Variants in EBAG9 observed in about 807,000 individuals in gnomAD.
The protein encoded by EBAG9 is estrogen receptor binding site associated antigen 9.
In EBAG9, 16 loss-of-function variants were observed where a neutral mutation model predicts 30.9. That is an observed-to-expected ratio of 0.52 (90% confidence interval 0.35 to 0.79). The LOEUF (loss-of-function observed/expected upper bound fraction) is 0.79, where lower values mean the gene tolerates loss of function less well. Among genes scored for constraint, EBAG9 ranks in the 30% least tolerant of loss-of-function variants. The pLI is 0.01. For missense variants in EBAG9, 197 were observed against 242.1 expected, an observed-to-expected ratio of 0.81 and a Z score of 1.24; for synonymous variants, 93 against 82.8, an observed-to-expected ratio of 1.12 and a Z score of -0.67.
intron 6 of EBAG9, among the ~76,000 whole-genome samples, chr8:109,562,802 C>T (rs1821736533): frequency 6.6e-6 from 1 of 151,708 alleles, no homozygotes; most frequent in Non-Finnish European, 1.5e-5. Flanking sequence ...GTTCATCATC[C>T]CAAATATGAA....
At chr8:109,562,443 A>G (rs2131135047) in intron 6 of EBAG9, among the ~76,000 whole-genome samples, 1 of 152,150 alleles carries the variant, frequency 6.6e-6, no homozygotes, top group East Asian at 1.9e-4. Flanking sequence ...AGCCAAAGAG[A>G]AATGGAGGTG....
intron 1 of EBAG9, among the ~76,000 whole-genome samples, chr8:109,545,437 C>T (rs1382128668): frequency 5.5e-5 from 2 of 36,616 alleles, no homozygotes; most frequent in East Asian, 1.6e-3. Flanking sequence ...GATCTCAGCT[C>T]ACCGCAACCT....
chr8:109,552,289 G>A (rs1821510266), intron 2 of EBAG9, among the ~76,000 whole-genome samples: 1 of 150,346 alleles, frequency 6.7e-6, no homozygotes, highest in Non-Finnish European at 1.5e-5. Context: ...CCAGGGTATT[G>A]CAAGAGAACA....
chr8:109,563,085 G>A (rs1410778774), intron 6 of EBAG9, among the ~76,000 whole-genome samples: 1 of 152,044 alleles, frequency 6.6e-6, no homozygotes, highest in Non-Finnish European at 1.5e-5. Flanking sequence ...CATCAGCAGA[G>A]TGATGAAAAA....
chr8:109,553,635 T>A (rs1219497072), intron 2 of EBAG9, among the ~76,000 whole-genome samples: 1 of 152,206 alleles, frequency 6.6e-6, no homozygotes, highest in East Asian at 1.9e-4. Flanking sequence ...TTCTGAGTCC[T>A]AAGCCAAAAA....
rs1295966932 is a variant in EBAG9, at chr8:109,540,825, T to C, written c.-16+364T>C. On this transcript the variant is annotated intron_variant, in intron 1 of 6. Transcript: ENST00000337573. ...ATATTCTGGACTGTACTAGATCATA[T>C]GGTTTTCAAATTTTGGTATGAAAAG... The C allele has an allele frequency of 3.3e-5, 5 of 152,270 alleles. No individual in the cohort carries two copies. The East Asian group carries it at 7.7e-4, about 23-fold the overall frequency. 9.4% of individuals were successfully genotyped at this position (152,270 alleles called of 1,614,324 possible).
At chr8:109,549,281 A>C (rs1414681542) in intron 1 of EBAG9, among the ~76,000 whole-genome samples, 2 of 151,950 alleles carry the variant, frequency 1.3e-5, no homozygotes, top group Non-Finnish European at 2.9e-5. Flanking sequence ...CCATTTATAT[A>C]TTGTTGGATT....
At chr8:109,546,605 T>C (rs1014768578) in intron 1 of EBAG9, among the ~76,000 whole-genome samples, 1 of 152,238 alleles carries the variant, frequency 6.6e-6, no homozygotes. Context: ...ATTAGTAAAC[T>C]TTCTTAAAAC....
intron 1 of EBAG9, among the ~76,000 whole-genome samples, chr8:109,547,764 G>C (rs558119940): frequency 6.6e-6 from 1 of 152,290 alleles, no homozygotes; most frequent in African/African-American, 2.4e-5. Context: ...ACAGGTGTGA[G>C]CCACCACGCC....
rs760321666 is a variant in EBAG9, at chr8:109,554,884, G to A, written c.318G>A (p.Gln106=). 77 of 1,612,182 alleles carry A rather than the reference G, an allele frequency of 4.8e-5. No homozygotes were observed. Among genetic ancestry groups the A allele is most frequent in the Non-Finnish European group, 5.3e-5 (62 of 1,179,024 alleles). The change falls in exon 4 of 7, where the codon CAG becomes CAA. Residue 106 remains glutamine (Q), a synonymous_variant. Transcript: ENST00000337573. ...KDMTPTIRKT[Q]KIVIKKREPL... ...TGACACCAACTATTAGGAAAACTCA[G>A]AAAGTATGTTAAGATTTATGCTTTT... is the stretch of plus-strand genomic sequence containing the variant.
At chr8:109,561,537 G>T (rs1301764822) in intron 6 of EBAG9, among the ~76,000 whole-genome samples, 1 of 152,004 alleles carries the variant, frequency 6.6e-6, no homozygotes, top group Non-Finnish European at 1.5e-5. Context: ...GCTACATTAG[G>T]TCAAAGAGTA....
intron 1 of EBAG9, among the ~76,000 whole-genome samples, chr8:109,542,836 C>G (rs151149528): frequency 0.018 from 2,700 of 151,832 alleles, 42 homozygotes; most frequent in Non-Finnish European, 0.028. Flanking sequence ...ATAGAAATAA[C>G]CATAATACAA....
At chr8:109,543,405 A>G (rs1025920566) in intron 1 of EBAG9, among the ~76,000 whole-genome samples, 2 of 152,100 alleles carry the variant, frequency 1.3e-5, no homozygotes, top group African/African-American at 4.8e-5. Flanking sequence ...ATTGGCAATG[A>G]TGCCTTTACA....
chr8:109,565,823 A>G lies in EBAG9; in HGVS notation c.*1264A>G, dbSNP rs186129196. 5 of 152,268 alleles carry G rather than the reference A, an allele frequency of 3.3e-5. No homozygotes were observed. In the East Asian group the frequency reaches 7.7e-4, roughly 24 times the overall value. The allele number at this position is 152,268 out of a possible 1,614,324, so 9.4% of individuals were successfully genotyped here. A position where few individuals can be genotyped will look rare whatever the true frequency, so the allele number is the denominator to read the frequency against. On this transcript the variant is annotated 3_prime_UTR_variant, in exon 7 of 7. Transcript: ENST00000337573. ...TAAAGTGATATTTTATAGAAAAATC[A>G]TAAGTTATACAATGAGAACCCTTTA...
intron 1 of EBAG9, among the ~76,000 whole-genome samples, chr8:109,549,092 A>AT (rs985741091): frequency 6.9e-4 from 101 of 145,896 alleles, no homozygotes; most frequent in East Asian, 5.8e-3. Context: ...CTTTGCTGCA[A>AT]TTTTTTTTTT....
chr8:109,557,812 C>T (rs1414002732), intron 5 of EBAG9: 1 of 398,378 alleles, frequency 2.5e-6, no homozygotes, highest in Non-Finnish European at 5.2e-6. Context: ...CTCACTTCTA[C>T]ACCTGACAAA....
chr8:109,562,245 C>T (rs1198135966), intron 6 of EBAG9, among the ~76,000 whole-genome samples: 2 of 152,006 alleles, frequency 1.3e-5, no homozygotes, highest in Admixed American at 6.6e-5. Context: ...GAGTTCAAGC[C>T]ATGAGTTCAC....
intron 1 of EBAG9, among the ~76,000 whole-genome samples, chr8:109,541,730 C>T (rs963418492): frequency 7.2e-5 from 11 of 152,146 alleles, no homozygotes; most frequent in African/African-American, 2.7e-4. Flanking sequence ...AGAGTTTCCC[C>T]ATGCGGAGTT....
intron 4 of EBAG9, 76 bp downstream of exon 4, chr8:109,554,963 A>C: frequency 2.1e-6 from 3 of 1,418,840 alleles, no homozygotes; most frequent in Non-Finnish European, 2.9e-6. Flanking sequence ...GATACAATTC[A>C]CATTTATTAG....
Sources: gnomAD v4.1 joint callset for allele counts (sites outside exome capture counted in the v4.1 genomes callset) on GRCh38, gnomAD v4.1.1 for gene constraint, MANE v1.5 for transcripts, NCBI Gene and HGNC (gene_info 2026-07-23, HGNC 2026-07-21) for gene names.